Variants in GSE1 observed in about 807,000 individuals in gnomAD.
The protein encoded by GSE1 is genetic suppressor element 1.
In GSE1, 32 loss-of-function variants were observed where a neutral mutation model predicts 112.6. The observed-to-expected ratio is 0.28, with a 90% CI of 0.21 to 0.38. GSE1 has a LOEUF of 0.38. Ranked by LOEUF, GSE1 falls within the 10% of genes least tolerant of loss-of-function variation. GSE1 has a pLI of 1.00. For missense variants in GSE1, 2,348 were observed against 1,699.2 expected, an observed-to-expected ratio of 1.38 and a Z score of -6.71; for synonymous variants, 1,115 against 735.6, an observed-to-expected ratio of 1.52 and a Z score of -8.35.
At chr16:85,609,689 C>G (rs903197840), upstream of GSE1, among the ~76,000 whole-genome samples, 3 of 152,054 alleles carry the variant, frequency 2.0e-5, no homozygotes, top group Admixed American at 6.6e-5. Flanking sequence ...GGGTCTCACT[C>G]TGTCGCCCAG....
At chr16:85,342,605 G>A (rs1268798453) in intron 1 of GSE1, among the ~76,000 whole-genome samples, 1 of 152,160 alleles carries the variant, frequency 6.6e-6, no homozygotes, top group African/African-American at 2.4e-5. Context: ...ATGTGTTGAG[G>A]ATCTGTCTCT....
chr16:85,220,226 G>A (rs1042368121), intron 1 of GSE1, among the ~76,000 whole-genome samples: 1 of 152,216 alleles, frequency 6.6e-6, no homozygotes, highest in African/African-American at 2.4e-5. Context: ...TTCCTGGTCC[G>A]CTTTCCAGTG....
At chr16:85,571,714 G>C (rs781710068) in intron 1 of GSE1, among the ~76,000 whole-genome samples, 9 of 152,220 alleles carry the variant, frequency 5.9e-5, no homozygotes, top group Non-Finnish European at 1.2e-4. Context: ...ACAGGTCAGA[G>C]ACTGCAGGAG....
chr16:85,526,902 A>G (rs930370751), intron 2 of GSE1, among the ~76,000 whole-genome samples: 4 of 152,250 alleles, frequency 2.6e-5, no homozygotes, highest in Admixed American at 6.5e-5. Context: ...TTTGTTCAGG[A>G]TGAATTAAGA....
intron 1 of GSE1, among the ~76,000 whole-genome samples, chr16:85,319,656 G>A (rs369038059): frequency 1.3e-5 from 2 of 152,166 alleles, no homozygotes; most frequent in East Asian, 1.9e-4. Context: ...CTCGAACACC[G>A]CCTCCAGCAT....
chr16:85,575,754 A>G (rs1033342370), intron 1 of GSE1, among the ~76,000 whole-genome samples: 8 of 152,220 alleles, frequency 5.3e-5, no homozygotes, highest in African/African-American at 1.9e-4. Flanking sequence ...TGTCATTAAT[A>G]GTATAATTAG....
intron 1 of GSE1, among the ~76,000 whole-genome samples, chr16:85,323,073 CAG>C (rs372758861): frequency 9.2e-5 from 14 of 152,098 alleles, no homozygotes; most frequent in African/African-American, 3.4e-4. Context: ...GAAGGGAAAA[CAG>C]AACAGGGCGT....
chr16:85,457,744 G>A (rs1385194981), intron 2 of GSE1, among the ~76,000 whole-genome samples: 1 of 152,276 alleles, frequency 6.6e-6, no homozygotes, highest in African/African-American at 2.4e-5. Context: ...GCTGGGCAGA[G>A]TGGCAGGCTG....
chr16:85,392,101 G>T (rs570642037), intron 2 of GSE1, among the ~76,000 whole-genome samples: 6 of 151,864 alleles, frequency 4.0e-5, no homozygotes, highest in African/African-American at 1.4e-4. Flanking sequence ...CTCCCTTCCC[G>T]TGATTCCCTC....
At chr16:85,428,599 G>C (rs1377647596) in intron 2 of GSE1, among the ~76,000 whole-genome samples, 2 of 152,222 alleles carry the variant, frequency 1.3e-5, no homozygotes, top group Admixed American at 6.5e-5. Context: ...GGGGTTTCTG[G>C]AGTGGGCAGG....
At chr16:85,256,825 C>T (rs1907135437) in intron 1 of GSE1, among the ~76,000 whole-genome samples, 1 of 152,270 alleles carries the variant, frequency 6.6e-6, no homozygotes, top group Non-Finnish European at 1.5e-5. Flanking sequence ...CCAGGACTGT[C>T]ACCACACGTG....
At chr16:85,584,336 A>G (rs574872424) in intron 1 of GSE1, among the ~76,000 whole-genome samples, 20 of 152,284 alleles carry the variant, frequency 1.3e-4, no homozygotes, top group African/African-American at 4.6e-4. Flanking sequence ...GATGCTGGCT[A>G]CCACCAAGAT....
At chr16:85,409,559 T>C (rs1334877555) in intron 2 of GSE1, among the ~76,000 whole-genome samples, 84 of 7,510 alleles carry the variant, frequency 0.011, 29 homozygotes, top group African/African-American at 0.012. Flanking sequence ...TAATCCTCAC[T>C]GTTACCCTCA....
chr16:85,202,989 C>G (rs959536709), intron 1 of GSE1, among the ~76,000 whole-genome samples: 2 of 151,242 alleles, frequency 1.3e-5, no homozygotes, highest in Admixed American at 6.6e-5. Context: ...ACCTCTACCC[C>G]CCTTCTCCCC....
intron 2 of GSE1, among the ~76,000 whole-genome samples, chr16:85,434,921 G>T (rs751534174): frequency 1.3e-5 from 2 of 152,242 alleles, no homozygotes; most frequent in Non-Finnish European, 2.9e-5. Flanking sequence ...CCCTGTGGTC[G>T]CAGCCTTTCC....
chr16:85,170,327 G>A (rs2074338930), exon 1 of GSE1: 2 of 985,498 alleles, frequency 2.0e-6, no homozygotes, highest in Non-Finnish European at 2.4e-6. Flanking sequence ...CCCGAGGCCC[G>A]GGCCAGCGTC....
intron 1 of GSE1, among the ~76,000 whole-genome samples, chr16:85,597,195 T>C (rs1362710025): frequency 6.6e-6 from 1 of 151,376 alleles, no homozygotes; most frequent in African/African-American, 2.4e-5. Flanking sequence ...GCCAGGCTGG[T>C]CTCGAACTCC....
chr16:85,672,255 A>T, intron 15 of GSE1, 150 bp from the exon 16 acceptor site: 1 of 639,010 alleles, frequency 1.6e-6, no homozygotes, highest in Non-Finnish European at 2.9e-6. Context: ...TCGACCTCCA[A>T]AAGTGCTGGG....
chr16:85,202,442 C>G (rs11642146), intron 1 of GSE1, among the ~76,000 whole-genome samples: 12,344 of 152,176 alleles, frequency 0.081, 647 homozygotes, highest in East Asian at 0.12. Flanking sequence ...GCCCACAGGA[C>G]ATTTTTTTGT....
Sources: allele counts gnomAD v4.1 joint callset (sites outside exome capture counted in the v4.1 genomes callset), GRCh38; gene constraint gnomAD v4.1.1; transcripts MANE v1.5; gene names NCBI Gene and HGNC (gene_info 2026-07-23, HGNC 2026-07-21).